TANC2: variants seen among roughly 807,000 people sequenced by gnomAD.
TANC2 encodes protein TANC2.
In TANC2, 26 loss-of-function variants were observed where a neutral mutation model predicts 210.5. That is an observed-to-expected ratio of 0.12 (90% CI 0.09 to 0.17). The LOEUF (loss-of-function observed/expected upper bound fraction) is 0.17, where lower values mean the gene tolerates loss of function less well. Ranked by LOEUF, TANC2 falls within the 10% of genes least tolerant of loss-of-function variation. The pLI is 1.00. For synonymous variants in TANC2, 931 were observed against 967.1 expected (o/e 0.96, Z 0.69); for missense variants, 2,129 against 2,608.9 (o/e 0.82, Z 4.01).
intron 1 of TANC2, among the ~76,000 whole-genome samples, chr17:62,970,454 A>C (rs2031628078): frequency 2.0e-5 from 3 of 152,144 alleles, no homozygotes; most frequent in Non-Finnish European, 4.4e-5. Context: ...CTCTTCCATC[A>C]TGAATTCTTG....
chr17:63,004,709 T>C, intron 1 of TANC2: 1 of 324,192 alleles, frequency 3.1e-6, no homozygotes, highest in Non-Finnish European at 6.0e-6. Context: ...TGCACACACT[T>C]CACTTGGTAT....
chr17:63,324,755 T>G (rs1203062893), intron 11 of TANC2, among the ~76,000 whole-genome samples: 1 of 152,140 alleles, frequency 6.6e-6, no homozygotes, highest in Non-Finnish European at 1.5e-5. Context: ...ATTGTTAATT[T>G]CTATGTTGTT....
At chr17:63,037,122 C>T (rs1373835886) in intron 2 of TANC2, among the ~76,000 whole-genome samples, 1 of 152,044 alleles carries the variant, frequency 6.6e-6, no homozygotes, top group Non-Finnish European at 1.5e-5. Flanking sequence ...CGCAAAATAT[C>T]TTATTGTACT....
chr17:63,048,819 G>A (rs1449794647), intron 2 of TANC2, among the ~76,000 whole-genome samples: 1 of 152,120 alleles, frequency 6.6e-6, no homozygotes, highest in South Asian at 2.1e-4. Flanking sequence ...GTGGGAGGAG[G>A]GAGAGGATCA....
intron 2 of TANC2, among the ~76,000 whole-genome samples, chr17:63,061,567 A>G (rs1243344970): frequency 6.6e-6 from 1 of 152,130 alleles, no homozygotes; most frequent in Non-Finnish European, 1.5e-5. Flanking sequence ...CCTTCCATGT[A>G]TATATGTCTA....
chr17:63,336,177 T>G (rs2046021103), intron 11 of TANC2, among the ~76,000 whole-genome samples: 1 of 152,152 alleles, frequency 6.6e-6, no homozygotes, highest in African/African-American at 2.4e-5. Flanking sequence ...TTTTGCTGAT[T>G]AGGAAATCAA....
At chr17:63,098,984 A>G (rs1254706183) in intron 3 of TANC2, among the ~76,000 whole-genome samples, 191 bp from the exon 4 acceptor site, 3 of 152,200 alleles carry the variant, frequency 2.0e-5, no homozygotes. Context: ...TAGTTTACTC[A>G]TCTTCAGTTT....
At chr17:63,352,458 A>T (rs1284259886) in intron 13 of TANC2, among the ~76,000 whole-genome samples, 1 of 152,170 alleles carries the variant, frequency 6.6e-6, no homozygotes, top group Admixed American at 6.5e-5. Flanking sequence ...AATCAATATA[A>T]ATCCATCTTT....
At chr17:63,261,083 T>C (rs561021475) in intron 8 of TANC2, among the ~76,000 whole-genome samples, 64 of 152,070 alleles carry the variant, frequency 4.2e-4, no homozygotes, top group Non-Finnish European at 9.0e-4. Context: ...GAAATTGTTT[T>C]TAAATATTAG....
At chr17:63,349,368 C>G (rs1026632280) in intron 12 of TANC2, among the ~76,000 whole-genome samples, 1 of 151,988 alleles carries the variant, frequency 6.6e-6, no homozygotes, top group Non-Finnish European at 1.5e-5. Context: ...CAATGATATC[C>G]CAAAGAAAAT....
chr17:63,347,460 A>G (rs928509494), intron 12 of TANC2, among the ~76,000 whole-genome samples: 4 of 152,174 alleles, frequency 2.6e-5, no homozygotes, highest in African/African-American at 7.2e-5. Context: ...TATAGTTAAG[A>G]TCTTTGTAAT....
intron 14 of TANC2, among the ~76,000 whole-genome samples, chr17:63,370,172 C>CTTTTTTTT (rs1393003261): frequency 7.0e-6 from 1 of 143,754 alleles, no homozygotes; most frequent in African/African-American, 2.7e-5. Flanking sequence ...GTCCTCCTTT[C>CTTTTTTTT]TTTTTTTTTC....
At position 63,412,010 on chromosome 17, in the gene TANC2, G is replaced by A. The variant is rs1270765216; in HGVS notation, c.3778G>A (p.Val1260Ile). 1.2e-6 allele frequency: 2 copies of A among 1,613,736 alleles called. No homozygotes were observed. The highest frequency in any genetic ancestry group is 8.5e-7 in the Non-Finnish European group (1 of 1,179,870). ...ATCCGTGTCCTAGGTCCAGTTCCTGGTAGATCATGGGGCCATGATCGAGCA... is the reference window on the plus strand; with the variant it reads ...ATCCGTGTCCTAGGTCCAGTTCCTGATAGATCATGGGGCCATGATCGAGCA... The change falls in exon 23 of 28, where the codon GTA becomes ATA. Residue 1260 changes from valine (V) to isoleucine (I), a missense_variant. Physicochemically the swap from Val to Ile is conservative, Grantham distance 29. This residue lies in a region of TANC2 where 644 missense variants were observed against 937.5 expected (regional missense o/e 0.69). Transcript: ENST00000689528. This position sits in a 1 kb window ranked among gnomAD's most constrained non-coding sequence, Gnocchi z 4.2.
At position 63,418,525 on chromosome 17, in the gene TANC2, C is replaced by G; in HGVS notation, c.4268+118C>G. 1 of 866,502 alleles carries G rather than the reference C, an allele frequency of 1.2e-6. No individual in the cohort carries two copies. Among genetic ancestry groups the G allele is most frequent in the Non-Finnish European group, 1.8e-6 (1 of 567,140 alleles). 53.7% of individuals were successfully genotyped at this position (866,502 alleles called of 1,614,324 possible). The stretch of plus-strand genomic sequence containing the variant: ...ATACATCTCTGTCCTTGAGAACTGT[C>G]AGGGCCAAGCTTTGGGGATGGCTCC... On this transcript the variant is annotated intron_variant, in intron 27 of 27. Coordinates refer to ENST00000689528, the Ensembl canonical transcript of TANC2. This position sits in a 1 kb window ranked among gnomAD's most constrained non-coding sequence, Gnocchi z 4.6.
chr17:63,280,582 A>G (rs954481023), intron 9 of TANC2, among the ~76,000 whole-genome samples: 8 of 152,058 alleles, frequency 5.3e-5, no homozygotes, highest in African/African-American at 1.9e-4. Flanking sequence ...TGATGAAAAT[A>G]TCTGTCTCCT....
intron 8 of TANC2, among the ~76,000 whole-genome samples, chr17:63,252,217 G>A (rs771356488): frequency 9.2e-5 from 14 of 151,620 alleles, no homozygotes; most frequent in Non-Finnish European, 1.5e-4. Flanking sequence ...ATCTGTATTA[G>A]GCTTCTTTCT....
intron 3 of TANC2, among the ~76,000 whole-genome samples, chr17:63,098,520 T>TATAC (rs2037499425): frequency 1.5e-5 from 2 of 137,412 alleles, no homozygotes; most frequent in African/African-American, 5.4e-5. Flanking sequence ...TGTGTGTATA[T>TATAC]ATATATATAT....
At chr17:63,247,561 G>A (rs2042951794) in intron 8 of TANC2, among the ~76,000 whole-genome samples, 1 of 149,394 alleles carries the variant, frequency 6.7e-6, no homozygotes, top group Non-Finnish European at 1.5e-5. Context: ...TGTTACATCT[G>A]TAGACTAGAC....
At chr17:63,325,506 C>T (rs1490202928) in intron 11 of TANC2, among the ~76,000 whole-genome samples, 2 of 152,096 alleles carry the variant, frequency 1.3e-5, no homozygotes, top group Non-Finnish European at 2.9e-5. Flanking sequence ...TGTGTGTTGC[C>T]CTAGCACCCT....
Sources: gnomAD v4.1 joint callset for allele counts (sites outside exome capture counted in the v4.1 genomes callset) on GRCh38, gnomAD v4.1.1 for gene constraint, gnomAD v4.1.1 regional missense constraint, Gnocchi (gnomAD v3.1) non-coding constraint, MANE v1.5 for transcripts, NCBI Gene and HGNC (gene_info 2026-07-23, HGNC 2026-07-21) for gene names.